NDST3: variants seen among roughly 807,000 people sequenced by gnomAD.
NDST3 encodes the protein N-deacetylase and N-sulfotransferase 3.
A neutral mutation model predicts 96.1 loss-of-function variants in NDST3; 58 were observed. That is an observed-to-expected ratio of 0.60 (90% CI 0.49 to 0.75). NDST3 has a LOEUF of 0.75. Among genes scored for constraint, NDST3 ranks in the 30% least tolerant of loss-of-function variants. NDST3 has a pLI of 0.00. For missense variants in NDST3, 788 were observed against 1,034.2 expected (o/e 0.76, Z 3.27); for synonymous variants, 333 against 359.7 (o/e 0.93, Z 0.84).
chr4:118,067,828 G>A (rs879907523), intron 2 of NDST3, among the ~76,000 whole-genome samples: 1 of 151,708 alleles, frequency 6.6e-6, no homozygotes, highest in African/African-American at 2.4e-5. Flanking sequence ...CCTAGGTGAC[G>A]GATTGATAGG....
intron 2 of NDST3, among the ~76,000 whole-genome samples, chr4:118,066,127 TATTATATAA>T (rs1560617489): frequency 5.7e-5 from 3 of 52,976 alleles, no homozygotes; most frequent in Admixed American, 4.4e-4. Flanking sequence ...ATATTATATA[TATTATATAA>T]TATATTTTAT....
intron 1 of NDST3, among the ~76,000 whole-genome samples, chr4:118,050,317 G>T (rs76691706): frequency 0.039 from 5,899 of 152,166 alleles, 180 homozygotes; most frequent in Non-Finnish European, 0.06. Context: ...CTTGAGAACT[G>T]GAATGAGATA....
chr4:118,140,884 A>C (rs1467799702), intron 5 of NDST3, among the ~76,000 whole-genome samples: 1 of 152,182 alleles, frequency 6.6e-6, no homozygotes, highest in Admixed American at 6.5e-5. Context: ...ATTACAATTT[A>C]AAATGAGATT....
chr4:118,068,037 G>A (rs1376796462), intron 2 of NDST3, among the ~76,000 whole-genome samples: 1 of 151,908 alleles, frequency 6.6e-6, no homozygotes, highest in Non-Finnish European at 1.5e-5. Flanking sequence ...TTGTTTTCAA[G>A]CCATCAGCAG....
chr4:118,217,148 G>A (rs949444444), intron 6 of NDST3, among the ~76,000 whole-genome samples: 3 of 152,050 alleles, frequency 2.0e-5, no homozygotes, highest in Non-Finnish European at 4.4e-5. Flanking sequence ...GAGCTAAGTA[G>A]CAAAGTGAGG....
chr4:118,215,110 C>T (rs1460889443), intron 6 of NDST3, among the ~76,000 whole-genome samples: 2 of 151,888 alleles, frequency 1.3e-5, no homozygotes, highest in South Asian at 2.1e-4. Flanking sequence ...GTCAACTAGA[C>T]ATTTAAGTAT....
At chr4:118,130,610 A>C (rs1732533655) in intron 4 of NDST3, among the ~76,000 whole-genome samples, 1 of 152,122 alleles carries the variant, frequency 6.6e-6, no homozygotes, top group African/African-American at 2.4e-5. Flanking sequence ...CCACCATTAC[A>C]ATGTTATCAT....
At chr4:118,045,550 C>T (rs1262978099) in intron 1 of NDST3, among the ~76,000 whole-genome samples, 1 of 152,044 alleles carries the variant, frequency 6.6e-6, no homozygotes, top group Non-Finnish European at 1.5e-5. Context: ...AGATAAATAA[C>T]ACATTTATCC....
intron 4 of NDST3, among the ~76,000 whole-genome samples, chr4:118,132,403 A>T (rs565947242): frequency 2.0e-5 from 3 of 152,176 alleles, no homozygotes; most frequent in South Asian, 2.1e-4. Flanking sequence ...CTTAAGCCCA[A>T]GGGTTCTTCT....
At chr4:118,135,298 C>T (rs557760215) in intron 4 of NDST3, among the ~76,000 whole-genome samples, 2 of 152,210 alleles carry the variant, frequency 1.3e-5, no homozygotes, top group South Asian at 4.2e-4. Context: ...GAGTTCACCA[C>T]AGGAGTCTCA....
chr4:118,065,277 A>G (rs1726217335), intron 2 of NDST3, among the ~76,000 whole-genome samples: 1 of 152,168 alleles, frequency 6.6e-6, no homozygotes. Context: ...CTCACTGGGA[A>G]ATGAAATCTT....
intron 1 of NDST3, among the ~76,000 whole-genome samples, chr4:118,043,038 A>G (rs1724557612): frequency 6.6e-6 from 1 of 152,232 alleles, no homozygotes; most frequent in Non-Finnish European, 1.5e-5. Flanking sequence ...TAATATCCTA[A>G]TATACTTCCG....
At chr4:118,186,401 A>C (rs939977424) in intron 6 of NDST3, among the ~76,000 whole-genome samples, 1 of 152,200 alleles carries the variant, frequency 6.6e-6, no homozygotes, top group African/African-American at 2.4e-5. Context: ...CACGATCACA[A>C]GGTCTCACAA....
At chr4:118,210,825 T>C (rs377326882) in intron 6 of NDST3, among the ~76,000 whole-genome samples, 1 of 149,340 alleles carries the variant, frequency 6.7e-6, no homozygotes, top group Non-Finnish European at 1.5e-5. Flanking sequence ...GGGTTCCTGA[T>C]AAAAGACTAG....
At chr4:118,247,201 G>T (rs1241171418) in intron 12 of NDST3, among the ~76,000 whole-genome samples, 2 of 31,176 alleles carry the variant, frequency 6.4e-5, no homozygotes, top group East Asian at 2.0e-3. Flanking sequence ...CACACCAGGG[G>T]GGTTTAAAAA....
chr4:118,202,062 T>C (rs1216563094), intron 6 of NDST3, among the ~76,000 whole-genome samples: 1 of 152,230 alleles, frequency 6.6e-6, no homozygotes, highest in Non-Finnish European at 1.5e-5. Flanking sequence ...CCATGGCTTG[T>C]TTTTCTCAGC....
At chr4:118,199,968 C>T (rs1737957989) in intron 6 of NDST3, among the ~76,000 whole-genome samples, 1 of 152,184 alleles carries the variant, frequency 6.6e-6, no homozygotes, top group Non-Finnish European at 1.5e-5. Flanking sequence ...AGCCATCACC[C>T]CTAGAACTGT....
intron 1 of NDST3, among the ~76,000 whole-genome samples, chr4:118,040,871 ATATATATATATTTATATATATATATATT>A (rs1560603305): frequency 1.9e-5 from 1 of 53,302 alleles, no homozygotes; most frequent in South Asian, 9.5e-4. Flanking sequence ...ATATTTTTAT[ATATATATATATTTATATATATATATATT>A]TATATATATA....
chr4:118,222,545 A>G (rs1257023894), intron 6 of NDST3, among the ~76,000 whole-genome samples: 1 of 152,034 alleles, frequency 6.6e-6, no homozygotes, highest in African/African-American at 2.4e-5. Context: ...AAAAACATTA[A>G]ACCGTCCTTT....
Sources: gnomAD v4.1 joint callset for allele counts (sites outside exome capture counted in the v4.1 genomes callset) on GRCh38, gnomAD v4.1.1 for gene constraint, MANE v1.5 for transcripts, NCBI Gene and HGNC (gene_info 2026-07-23, HGNC 2026-07-21) for gene names.